IQSEC3: variants seen among roughly 807,000 people sequenced by gnomAD.
IQSEC3 encodes the protein IQ motif and SEC7 domain-containing protein 3.
Under a neutral mutation model 105.4 loss-of-function variants are expected in IQSEC3, and 50 were observed. The observed-to-expected ratio is 0.47, with a 90% confidence interval of 0.38 to 0.60. The LOEUF is 0.60. Ranked by LOEUF, IQSEC3 falls within the 20% of genes least tolerant of loss-of-function variation. The pLI, the probability that IQSEC3 is intolerant of heterozygous loss-of-function variation, is 0.00. For missense variants in IQSEC3, 1,415 were observed against 1,630.0 expected, an observed-to-expected ratio of 0.87 and a Z score of 2.27; for synonymous variants, 708 against 746.0, an observed-to-expected ratio of 0.95 and a Z score of 0.83.
At chr12:112,865 G>GT (rs534854967) in intron 2 of IQSEC3, among the ~76,000 whole-genome samples, 15 of 151,846 alleles carry the variant, frequency 9.9e-5, no homozygotes, top group South Asian at 2.1e-4. Context: ...CCTGTGCACT[G>GT]TTTTTTTTCC....
rs782348032 is a variant in IQSEC3, at chr12:138,511, G to A, written c.1148G>A (p.Arg383His). The change falls in exon 4 of 14, where the codon CGC (arginine) becomes CAC (histidine). Residue 383 changes from arginine (R) to histidine (H), a missense_variant. Physicochemically the swap from Arg to His is conservative, Grantham distance 29 (BLOSUM62 0). Transcript: ENST00000538872. The surrounding 1 kb of genome is among the most constrained non-coding windows in gnomAD (Gnocchi z 7.1). The stretch of plus-strand genomic sequence containing the variant: ...GGCCTCGTGGGGCTGCCGCTGGTGC[G>A]CTCGCCCTCCCTGCCGCCCACCTTC... ...GYGLVGLPLVRSPSLPPTFAG... is the reference protein window; with the variant it reads ...GYGLVGLPLVHSPSLPPTFAG... 9.5e-5 allele frequency: 150 copies of A among 1,581,824 alleles called. No individual in the cohort carries two copies. The highest frequency in any genetic ancestry group is 1.4e-4 in the Admixed American group (8 of 57,368).
At chr12:95,743 C>T (rs1240305091) in intron 1 of IQSEC3, among the ~76,000 whole-genome samples, 1 of 152,158 alleles carries the variant, frequency 6.6e-6, no homozygotes, top group Non-Finnish European at 1.5e-5. Flanking sequence ...CTGCAACTTG[C>T]TTTTCTCATT....
chr12:170,570 T>C (rs914526332), intron 12 of IQSEC3, among the ~76,000 whole-genome samples: 1 of 152,212 alleles, frequency 6.6e-6, no homozygotes, highest in African/African-American at 2.4e-5. Flanking sequence ...CAATGAGCTG[T>C]CCGTGGGGGT....
intron 7 of IQSEC3, among the ~76,000 whole-genome samples, chr12:158,682 A>C (rs1049857965): frequency 2.0e-5 from 3 of 152,106 alleles, no homozygotes; most frequent in Non-Finnish European, 4.4e-5. Context: ...GCTCCTTGTT[A>C]ATTATTATTT....
rs782603737 is a variant in IQSEC3 at position 138,424 on chromosome 12, G to A, written c.1061G>A (p.Arg354His). Residue 354 changes from arginine (R) to histidine (H), a missense_variant, in exon 4 of 14, where the codon CGC (arginine) becomes CAC (histidine). By Grantham distance (29) the Arg-to-His change is conservative. Coordinates refer to ENST00000538872, the MANE Select transcript of IQSEC3 (RefSeq NM_001170738.2). The surrounding 1 kb of genome is among the most constrained non-coding windows in gnomAD (Gnocchi z 7.1). ...CGCCTGCCACGGCGGATCTCCCTGCGCAAGGTGCGGTCACCCACGGCCGAG... is the reference window on the plus strand; with the variant it reads ...CGCCTGCCACGGCGGATCTCCCTGCACAAGGTGCGGTCACCCACGGCCGAG... ...ESRLPRRISLRKVRSPTAESL... is the reference protein window; with the variant it reads ...ESRLPRRISLHKVRSPTAESL... The A allele has an allele frequency of 1.7e-4, 276 of 1,607,846 alleles. No individual in the cohort carries two copies. In the Admixed American group the frequency reaches 4.4e-3, roughly 26 times the overall value.
intron 2 of IQSEC3, among the ~76,000 whole-genome samples, chr12:121,244 C>A (rs1244220659): frequency 2.0e-5 from 3 of 152,216 alleles, no homozygotes; most frequent in African/African-American, 7.2e-5. Flanking sequence ...GAGCGATGGG[C>A]TTCCAGTTCC....
Position 173,855 on chromosome 12 carries a change from G to A in IQSEC3, c.3115-744G>A, listed in dbSNP as rs545420353. Among the ~76,000 whole-genome samples, 26 of 152,280 alleles carry A rather than the reference G, an allele frequency of 1.7e-4. No individual in the cohort carries two copies. In the East Asian group the frequency reaches 4.4e-3, roughly 26 times the overall value. The stretch of plus-strand genomic sequence containing the variant: ...GTGACCTCCATGGTCTGAGGGAGGG[G>A]GCTCATGAGCATCATCTGGGCCACC... On this transcript the variant is annotated intron_variant, in intron 13 of 13. Coordinates refer to ENST00000538872, the MANE Select transcript of IQSEC3 (RefSeq NM_001170738.2).
intron 13 of IQSEC3, among the ~76,000 whole-genome samples, chr12:171,650 T>G (rs1047517696): frequency 5.3e-5 from 8 of 152,204 alleles, no homozygotes; most frequent in Non-Finnish European, 7.4e-5. Flanking sequence ...CCCTGCCCTC[T>G]TGGACACCTG....
In IQSEC3 at chr12:99,156, G is replaced by A. The variant is rs782374992; in HGVS notation, c.565G>A (p.Val189Met). 64 of 1,598,686 alleles carry A rather than the reference G, an allele frequency of 4.0e-5. No individual in the cohort carries two copies. Among genetic ancestry groups the A allele is most frequent in the South Asian group, 5.5e-5 (5 of 90,960 alleles). The change falls in exon 2 of 14, where the codon GTG (valine) becomes ATG (methionine). Residue 189 changes from valine (V) to methionine (M), a missense_variant. Coordinates refer to ENST00000538872, the MANE Select transcript of IQSEC3 (RefSeq NM_001170738.2). Reference sequence around the variant, plus strand: ...CTGCTCTGCCCGCAGGAATGAGACCGTGCTGCACCAGTTCTGCTGCCCAGC... The same window carrying A: ...CTGCTCTGCCCGCAGGAATGAGACCATGCTGCACCAGTTCTGCTGCCCAGC... ...VLSRRPENET[V>M]LHQFCCPAAD...
chr12:117,825 C>A (rs1865098142), intron 2 of IQSEC3, among the ~76,000 whole-genome samples: 1 of 152,220 alleles, frequency 6.6e-6, no homozygotes. Flanking sequence ...TGGAAGAGAG[C>A]CGGGACAGCC....
chr12:135,374 C>A (rs1203371041), intron 3 of IQSEC3, among the ~76,000 whole-genome samples: 1 of 152,188 alleles, frequency 6.6e-6, no homozygotes, highest in Non-Finnish European at 1.5e-5. Context: ...GGAGCAGGAA[C>A]AGAATGCCTC....
At position 75,656 on chromosome 12, in the gene IQSEC3, C is replaced by A. The variant is rs1167326306; in HGVS notation, c.554+8220C>A. ...GCAGCAGAGGTTGGTGTCGCACGAG[C>A]CTGAAGGGGATGGGAGATGAGAGTC... On this transcript the variant is annotated intron_variant, in intron 1 of 13. Coordinates refer to ENST00000538872, the MANE Select transcript of IQSEC3 (RefSeq NM_001170738.2). Among the ~76,000 whole-genome samples, 38 of 152,326 alleles carry A rather than the reference C, an allele frequency of 2.5e-4. No homozygotes were observed. The East Asian group carries it at 7.3e-3, about 29-fold the overall frequency.
At chr12:125,437 G>A (rs1865355582) in intron 2 of IQSEC3, among the ~76,000 whole-genome samples, 196 bp from the exon 3 acceptor site, 1 of 152,146 alleles carries the variant, frequency 6.6e-6, no homozygotes, top group Non-Finnish European at 1.5e-5. Flanking sequence ...CTCCCCAGGT[G>A]CGGGTTCTTC....
chr12:67,776 A>G (rs1198943290), intron 1 of IQSEC3, among the ~76,000 whole-genome samples: 2 of 149,506 alleles, frequency 1.3e-5, no homozygotes, highest in African/African-American at 2.5e-5. Flanking sequence ...TAAACTGTAG[A>G]AAAGAGAACC....
intron 5 of IQSEC3, chr12:148,213 G>T (rs1482980630): frequency 1.3e-5 from 2 of 152,066 alleles, no homozygotes; most frequent in Non-Finnish European, 2.9e-5. Flanking sequence ...CCAAAAGGTG[G>T]TCCCTGGACC....
intron 1 of IQSEC3, among the ~76,000 whole-genome samples, chr12:97,670 G>A (rs1555075051): frequency 6.6e-6 from 1 of 152,100 alleles, no homozygotes; most frequent in Non-Finnish European, 1.5e-5. Flanking sequence ...TTTTAAATTA[G>A]CTGAGCCTGG....
At chr12:156,891 A>C in intron 5 of IQSEC3, 134 bp from the exon 6 acceptor site, 1 of 1,144,178 alleles carries the variant, frequency 8.7e-7, no homozygotes, top group Non-Finnish European at 1.2e-6. Context: ...TGGGGCATTA[A>C]AGGGCGACCC....
intron 7 of IQSEC3, among the ~76,000 whole-genome samples, chr12:161,376 T>C (rs1022775624): frequency 6.6e-6 from 1 of 152,178 alleles, no homozygotes; most frequent in Non-Finnish European, 1.5e-5. Flanking sequence ...AGGGGTGTCC[T>C]CGCCTGCATT....
At position 66,805 on chromosome 12, in the gene IQSEC3, G is replaced by T; in HGVS notation, c.-78G>T. The T allele has an allele frequency of 7.0e-6, 9 of 1,285,314 alleles. No homozygotes were observed. The highest frequency in any genetic ancestry group is 2.3e-5 in the South Asian group (1 of 43,034). 79.6% of individuals were successfully genotyped at this position (1,285,314 alleles called of 1,614,324 possible). ...GGGAGAGGGAGGCGAGCCGACCGCTGGGCTGCTGGGCTCCCGCGCCCTCGC... is the reference window on the plus strand; with the variant it reads ...GGGAGAGGGAGGCGAGCCGACCGCTTGGCTGCTGGGCTCCCGCGCCCTCGC... On this transcript the variant is annotated 5_prime_UTR_variant, in exon 1 of 14. Transcript: ENST00000538872.
Sources: gnomAD v4.1 joint callset for allele counts (sites outside exome capture counted in the v4.1 genomes callset) on GRCh38, gnomAD v4.1.1 for gene constraint, Gnocchi (gnomAD v3.1) non-coding constraint, MANE v1.5 for transcripts, NCBI Gene and HGNC (gene_info 2026-07-23, HGNC 2026-07-21) for gene names.